The following UBTD1 variants were observed in gnomAD, a reference collection of about 807,000 sequenced individuals.
The protein encoded by UBTD1 is ubiquitin domain containing 1.
Under a neutral mutation model 21.7 loss-of-function variants are expected in UBTD1, and 19 were observed. The ratio of observed to expected loss-of-function variants is 0.87; its 90% CI spans 0.61 to 1.28. The LOEUF (loss-of-function observed/expected upper bound fraction) is 1.28, where lower values mean the gene tolerates loss of function less well. Among genes scored for constraint, UBTD1 ranks in the 50% most tolerant of loss-of-function variants. UBTD1 has a pLI of 0.00. For synonymous variants in UBTD1, 116 were observed against 135.1 expected (o/e 0.86, Z 0.98); for missense variants, 282 against 315.1 (o/e 0.89, Z 0.80).
chr10:97,516,105 G>A (rs1218438005), intron 1 of UBTD1, among the ~76,000 whole-genome samples: 1 of 152,192 alleles, frequency 6.6e-6, no homozygotes, highest in African/African-American at 2.4e-5. Context: ...TCAGACCAGC[G>A]GGGGCCAGGG....
At chr10:97,553,543 A>G (rs2040650404) in intron 1 of UBTD1, among the ~76,000 whole-genome samples, 1 of 152,224 alleles carries the variant, frequency 6.6e-6, no homozygotes, top group African/African-American at 2.4e-5. Context: ...GATTGTAAGC[A>G]CCCGTGTATA....
intron 2 of UBTD1, among the ~76,000 whole-genome samples, chr10:97,568,423 T>A (rs1044749012): frequency 6.6e-6 from 1 of 152,046 alleles, no homozygotes; most frequent in Non-Finnish European, 1.5e-5. Context: ...CTTTTTATTT[T>A]ATTTTTTTTT....
chr10:97,532,898 C>T (rs2040539865), intron 1 of UBTD1, among the ~76,000 whole-genome samples: 1 of 152,198 alleles, frequency 6.6e-6, no homozygotes, highest in South Asian at 2.1e-4. Context: ...CGGTGTGTCT[C>T]GGGCCCCTAC....
At chr10:97,506,195 G>A (rs1313684912) in intron 1 of UBTD1, among the ~76,000 whole-genome samples, 1 of 152,214 alleles carries the variant, frequency 6.6e-6, no homozygotes. Context: ...CCCACTCCGG[G>A]AGTGCCCTGC....
intron 2 of UBTD1, among the ~76,000 whole-genome samples, chr10:97,568,416 T>C (rs909847149): frequency 1.3e-5 from 2 of 152,114 alleles, no homozygotes; most frequent in Non-Finnish European, 2.9e-5. Context: ...CACTGACCTT[T>C]TTATTTTATT....
chr10:97,510,138 T>C (rs756473554), intron 1 of UBTD1, among the ~76,000 whole-genome samples: 3 of 151,954 alleles, frequency 2.0e-5, no homozygotes, highest in Non-Finnish European at 4.4e-5. Flanking sequence ...CATTTTTTTG[T>C]ATTTTTAGTA....
At position 97,570,788 on chromosome 10, in the gene UBTD1, G is replaced by A. The variant is rs995455079; in HGVS notation, c.*265G>A. The A allele has an allele frequency of 6.6e-6, 3 of 455,656 alleles. No individual in the cohort carries two copies. The highest frequency in any genetic ancestry group is 7.9e-6 in the Non-Finnish European group (2 of 253,388). The allele number at this position is 455,656 out of a possible 1,614,324, so 28.2% of individuals were successfully genotyped here. Reference sequence around the variant, plus strand: ...CCTGCCTGTCTCCCGAAGCAGGTTCGAGCCACAAGGGCCAACCAGGAGGCC... The same window carrying A: ...CCTGCCTGTCTCCCGAAGCAGGTTCAAGCCACAAGGGCCAACCAGGAGGCC... On this transcript the variant is annotated 3_prime_UTR_variant, in exon 3 of 3. Transcript: ENST00000370664. This position sits in a 1 kb window ranked among gnomAD's most constrained non-coding sequence, Gnocchi z 6.6.
intron 1 of UBTD1, among the ~76,000 whole-genome samples, chr10:97,523,267 A>G (rs978955122): frequency 1.3e-5 from 2 of 152,150 alleles, no homozygotes; most frequent in Admixed American, 6.5e-5. Flanking sequence ...TGAAGGTGGG[A>G]ATTTCATGAA....
intron 1 of UBTD1, among the ~76,000 whole-genome samples, chr10:97,529,184 C>T (rs1010421199): frequency 8.6e-5 from 13 of 151,888 alleles, no homozygotes; most frequent in Admixed American, 4.6e-4. Flanking sequence ...GGCAGAGACG[C>T]TCCTCACTTC....
intron 1 of UBTD1, among the ~76,000 whole-genome samples, chr10:97,515,632 C>T (rs1008653502): frequency 6.6e-6 from 1 of 152,234 alleles, no homozygotes; most frequent in Non-Finnish European, 1.5e-5. Flanking sequence ...ATCTCTGCTT[C>T]TCTTTGAGCT....
At position 97,509,388 on chromosome 10, in the gene UBTD1, C is replaced by T. The variant is rs143807219; in HGVS notation, c.70+10115C>T. Among the ~76,000 whole-genome samples the T allele has an allele frequency of 4.7e-3, 713 of 152,332 alleles. 8 individuals carry two copies. Among genetic ancestry groups the T allele is most frequent in the African/African-American group, 0.016 (681 of 41,576 alleles). The stretch of plus-strand genomic sequence containing the variant: ...AGAGTAGTGAAGCGTGAAATGTGAT[C>T]ATGTGTGTGTGATGTGATCAGCACA... On this transcript the variant is annotated intron_variant, in intron 1 of 2. Transcript: ENST00000370664.
intron 1 of UBTD1, among the ~76,000 whole-genome samples, chr10:97,508,209 C>T (rs1192345354): frequency 1.3e-5 from 2 of 152,268 alleles, no homozygotes; most frequent in Non-Finnish European, 2.9e-5. Context: ...AGCTTGTAAA[C>T]TGCAGAGCTG....
chr10:97,508,206 A>C (rs2040407378), intron 1 of UBTD1, among the ~76,000 whole-genome samples: 1 of 152,264 alleles, frequency 6.6e-6, no homozygotes, highest in Non-Finnish European at 1.5e-5. Context: ...CACAGCTTGT[A>C]AACTGCAGAG....
intron 1 of UBTD1, among the ~76,000 whole-genome samples, chr10:97,507,340 A>G (rs1024080008): frequency 6.6e-6 from 1 of 152,174 alleles, no homozygotes; most frequent in Non-Finnish European, 1.5e-5. Flanking sequence ...TGAGTGTGTT[A>G]GAATTGTGCA....
At chr10:97,532,142 G>A (rs530265435) in intron 1 of UBTD1, among the ~76,000 whole-genome samples, 44 of 152,302 alleles carry the variant, frequency 2.9e-4, no homozygotes, top group African/African-American at 1.0e-3. Context: ...TGACTGGGCC[G>A]GGAGAGCAGC....
At chr10:97,535,421 C>T (rs1341843682) in intron 1 of UBTD1, among the ~76,000 whole-genome samples, 1 of 152,170 alleles carries the variant, frequency 6.6e-6, no homozygotes, top group Non-Finnish European at 1.5e-5. Flanking sequence ...TGAGACCATC[C>T]TGGCTAACAC....
chr10:97,535,484 A>G (rs989226146), intron 1 of UBTD1, among the ~76,000 whole-genome samples: 5 of 152,116 alleles, frequency 3.3e-5, no homozygotes, highest in African/African-American at 1.2e-4. Flanking sequence ...GCGTGGTGGC[A>G]TGTGCCTGTA....
At chr10:97,526,238 T>C (rs2040487764) in intron 1 of UBTD1, among the ~76,000 whole-genome samples, 1 of 152,192 alleles carries the variant, frequency 6.6e-6, no homozygotes, top group Non-Finnish European at 1.5e-5. Flanking sequence ...TTGATAGTCT[T>C]TCTGGAAAGC....
chr10:97,499,075 G>A lies in UBTD1; in HGVS notation c.-129G>A. The A allele has an allele frequency of 1.9e-6, 2 of 1,059,022 alleles. No individual in the cohort carries two copies. Among genetic ancestry groups the A allele is most frequent in the South Asian group, 1.7e-5 (1 of 57,376 alleles). 65.6% of individuals were successfully genotyped at this position (1,059,022 alleles called of 1,614,324 possible). ...CGGAGCCATCGCTGGGGCTGAGCGC[G>A]CCCCCGGGGGGAGATCGGGGAGCGC... is the stretch of plus-strand genomic sequence containing the variant. On this transcript the variant is annotated 5_prime_UTR_variant, in exon 1 of 3. Coordinates refer to ENST00000370664, the MANE Select transcript of UBTD1 (RefSeq NM_024954.5).
Sources: gnomAD v4.1 joint callset for allele counts (sites outside exome capture counted in the v4.1 genomes callset) on GRCh38, gnomAD v4.1.1 for gene constraint, Gnocchi (gnomAD v3.1) non-coding constraint, MANE v1.5 for transcripts, NCBI Gene and HGNC (gene_info 2026-07-23, HGNC 2026-07-21) for gene names.